The following SLC45A4 variants were observed in gnomAD, a reference collection of about 807,000 sequenced individuals.
SLC45A4 encodes the protein solute carrier family 45 member 4, also known as polyamine-transporter SLC45A4.
A neutral mutation model predicts 63.7 loss-of-function variants in SLC45A4; 32 were observed. The ratio of observed to expected loss-of-function variants is 0.50; its 90% confidence interval spans 0.38 to 0.67. The LOEUF is 0.67. Ranked by LOEUF, SLC45A4 falls within the 30% of genes least tolerant of loss-of-function variation. The pLI, the probability that SLC45A4 is intolerant of heterozygous loss-of-function variation, is 0.00. For missense variants in SLC45A4, 1,027 were observed against 1,157.7 expected (o/e 0.89, Z 1.64); for synonymous variants, 535 against 510.0 (o/e 1.05, Z -0.66).
chr8:141,281,099 G>A (rs1263302831), intron 1 of SLC45A4, among the ~76,000 whole-genome samples: 1 of 152,232 alleles, frequency 6.6e-6, no homozygotes, highest in Non-Finnish European at 1.5e-5. Context: ...AGCACTTTGG[G>A]AGGCTGAGGC....
intron 8 of SLC45A4, chr8:141,211,927 ATC>A (rs1347511779): frequency 8.7e-6 from 11 of 1,258,918 alleles, no homozygotes; most frequent in African/African-American, 4.7e-5. Flanking sequence ...AAATTAAAAT[ATC>A]TTTTTCAATT....
intron 2 of SLC45A4, among the ~76,000 whole-genome samples, chr8:141,228,925 T>C (rs1437064278): frequency 6.6e-6 from 1 of 152,098 alleles, no homozygotes; most frequent in Non-Finnish European, 1.5e-5. Context: ...CCACCACTCA[T>C]GCTGTCAGGA....
intron 1 of SLC45A4, among the ~76,000 whole-genome samples, chr8:141,285,703 C>G (rs1369717299): frequency 2.0e-5 from 3 of 152,242 alleles, no homozygotes; most frequent in African/African-American, 4.8e-5. Context: ...GACTGAGAGG[C>G]AGGAGCACAA....
intron 1 of SLC45A4, among the ~76,000 whole-genome samples, chr8:141,291,393 AT>A (rs199752234): frequency 8.6e-5 from 13 of 151,954 alleles, no homozygotes; most frequent in Non-Finnish European, 1.9e-4. Context: ...TCTTCTCATA[AT>A]TTTTTTTTAA....
Position 141,218,047 on chromosome 8 carries a change from G to T in SLC45A4, c.1593C>A (p.Asp531Glu). The change falls in exon 5 of 9, where the codon GAC becomes GAA. Residue 531 changes from aspartate (D) to glutamate (E), a missense_variant. Asp to Glu is a conservative substitution (Grantham distance 45). Transcript: ENST00000517878. ...CTTCGAAGATGACCTGGCCCATGAA[G>T]TCGGTGTAGAACACGGCCTCGGCGA... ...SVIAEAVFYTDFMGQVIFEGD... is the reference protein window; with the variant it reads ...SVIAEAVFYTEFMGQVIFEGD... 3.1e-6 allele frequency: 5 copies of T among 1,611,808 alleles called. No individual in the cohort carries two copies. The highest frequency in any genetic ancestry group is 4.2e-6 in the Non-Finnish European group (5 of 1,179,482).
rs1412932072 is a variant in SLC45A4 at position 141,256,739 on chromosome 8, C to A, written c.-400-2110G>T. 2 of 409,792 alleles carry A rather than the reference C, an allele frequency of 4.9e-6. No individual in the cohort carries two copies. The highest frequency in any genetic ancestry group is 4.1e-5 in the African/African-American group (2 of 48,628). The allele number at this position is 409,792 out of a possible 1,614,324, so 25.4% of individuals were successfully genotyped here. ...ACGTCGCTACGATTCCACACGACAG[C>A]CCTCGAGAATTCTTTCAAGTTTTCC... On this transcript the variant is annotated intron_variant, in intron 1 of 8. Transcript: ENST00000517878. This position sits in a 1 kb window ranked among gnomAD's most constrained non-coding sequence, Gnocchi z 4.3.
chr8:141,284,678 A>T (rs1209036302), intron 1 of SLC45A4, among the ~76,000 whole-genome samples: 1 of 152,110 alleles, frequency 6.6e-6, no homozygotes, highest in African/African-American at 2.4e-5. Context: ...GCCCCAAGTA[A>T]CTCTGTTTAT....
At chr8:141,302,253 CAAAG>C (rs1444079258) in intron 1 of SLC45A4, among the ~76,000 whole-genome samples, 5 of 152,084 alleles carry the variant, frequency 3.3e-5, no homozygotes, top group Non-Finnish European at 7.4e-5. Flanking sequence ...TATAGTTTTT[CAAAG>C]TTTTTTTTGT....
intron 1 of SLC45A4, among the ~76,000 whole-genome samples, chr8:141,303,648 C>A (rs1327785283): frequency 6.6e-6 from 1 of 152,130 alleles, no homozygotes; most frequent in African/African-American, 2.4e-5. Flanking sequence ...CAAGGCAGAA[C>A]CCCAAGAGAA....
At chr8:141,301,733 T>A (rs372094134) in intron 1 of SLC45A4, among the ~76,000 whole-genome samples, 1 of 10,934 alleles carries the variant, frequency 9.1e-5, no homozygotes, top group African/African-American at 2.3e-4. Context: ...AGACCCTATC[T>A]CAAAAAAAAA....
intron 1 of SLC45A4, among the ~76,000 whole-genome samples, chr8:141,293,094 C>T (rs1054055028): frequency 6.6e-6 from 1 of 152,180 alleles, no homozygotes; most frequent in Non-Finnish European, 1.5e-5. Flanking sequence ...GATGCGTGGG[C>T]CTACGTAATG....
chr8:141,277,785 G>A (rs968717086), intron 1 of SLC45A4, among the ~76,000 whole-genome samples: 3 of 152,012 alleles, frequency 2.0e-5, no homozygotes, highest in Non-Finnish European at 2.9e-5. Flanking sequence ...GACTACAGGC[G>A]CCCACCACCA....
intron 1 of SLC45A4, among the ~76,000 whole-genome samples, chr8:141,306,556 ATTTCT>A (rs1214509565): frequency 2.0e-5 from 3 of 152,204 alleles, no homozygotes; most frequent in East Asian, 1.9e-4. Context: ...GACACTATAC[ATTTCT>A]TTTAAGGACA....
chr8:141,244,958 G>C (rs908748782), intron 2 of SLC45A4, among the ~76,000 whole-genome samples: 2 of 53,184 alleles, frequency 3.8e-5, no homozygotes, highest in East Asian at 8.1e-4. Flanking sequence ...AGACGTGGGT[G>C]GGGGGGGGGG....
intron 2 of SLC45A4, among the ~76,000 whole-genome samples, chr8:141,222,082 C>T (rs1275762202): frequency 4.0e-5 from 5 of 126,198 alleles, no homozygotes; most frequent in South Asian, 3.0e-4. Flanking sequence ...GAGGGCGCCC[C>T]GCCCAGGGCT....
At chr8:141,257,556 G>C (rs1828851704) in intron 1 of SLC45A4, among the ~76,000 whole-genome samples, 1 of 152,238 alleles carries the variant, frequency 6.6e-6, no homozygotes, top group African/African-American at 2.4e-5. Flanking sequence ...ACTTGTGCCT[G>C]AAGTGAAGCC....
chr8:141,287,176 A>G (rs1056728631), intron 1 of SLC45A4, among the ~76,000 whole-genome samples: 1 of 152,172 alleles, frequency 6.6e-6, no homozygotes. Flanking sequence ...GTGTATCATC[A>G]TGAGAGAGAG....
chr8:141,263,649 A>G, intron 1 of SLC45A4, among the ~76,000 whole-genome samples: 1 of 151,334 alleles, frequency 6.6e-6, no homozygotes, highest in Non-Finnish European at 1.5e-5. Flanking sequence ...ATGTGCCTGT[A>G]ATCCCAGCTA....
intron 2 of SLC45A4, among the ~76,000 whole-genome samples, chr8:141,234,053 T>C (rs1469576191): frequency 6.6e-6 from 1 of 152,260 alleles, no homozygotes; most frequent in Admixed American, 6.5e-5. Context: ...TGAGTCATCC[T>C]GAACAGCTCA....
Sources: gnomAD v4.1 joint callset for allele counts (sites outside exome capture counted in the v4.1 genomes callset) on GRCh38, gnomAD v4.1.1 for gene constraint, Gnocchi (gnomAD v3.1) non-coding constraint, MANE v1.5 for transcripts, NCBI Gene and HGNC (gene_info 2026-07-23, HGNC 2026-07-21) for gene names.